NTRK1: variants seen among roughly 807,000 people sequenced by gnomAD.
NTRK1 encodes high affinity nerve growth factor receptor.
In NTRK1, 62 loss-of-function variants were observed where a neutral mutation model predicts 86.8. That is an observed-to-expected ratio of 0.71 (90% CI 0.58 to 0.88). NTRK1 has a LOEUF of 0.88. Among genes scored for constraint, NTRK1 ranks in the 40% least tolerant of loss-of-function variants. NTRK1 has a pLI of 0.00. For synonymous variants in NTRK1, 469 were observed against 456.6 expected (o/e 1.03, Z -0.35); for missense variants, 967 against 1,078.4 (o/e 0.90, Z 1.45).
intron 1 of NTRK1, among the ~76,000 whole-genome samples, chr1:156,819,550 C>T (rs960236494): frequency 2.7e-5 from 4 of 149,328 alleles, no homozygotes; most frequent in African/African-American, 5.0e-5. Flanking sequence ...GATGGAGTTT[C>T]GCTCTTGTTG....
chr1:156,846,262 G>T, intron 2 of NTRK1: 1 of 942,338 alleles, frequency 1.1e-6, no homozygotes, highest in Non-Finnish European at 1.5e-6. Flanking sequence ...CTAGAACTCA[G>T]TGTTTTGTTT....
chr1:156,872,952 C>T (rs889072091), intron 7 of NTRK1, among the ~76,000 whole-genome samples: 3 of 151,824 alleles, frequency 2.0e-5, no homozygotes, highest in African/African-American at 7.3e-5. Context: ...ATTGGAATTA[C>T]AGGCGTGAGC....
chr1:156,876,319 C>G, intron 13 of NTRK1, 81 bp from the exon 14 acceptor site: 1 of 1,608,682 alleles, frequency 6.2e-7, no homozygotes, highest in Non-Finnish European at 8.5e-7. Flanking sequence ...GGCTGGATAC[C>G]GGGGTGGGCG....
intron 2 of NTRK1, chr1:156,844,137 G>A (rs893347254): frequency 6.8e-7 from 1 of 1,462,268 alleles, no homozygotes; most frequent in Middle Eastern, 1.7e-4. Context: ...AGGGCTCAGG[G>A]AGAAAAGGGG....
At chr1:156,841,192 T>A (rs570999218) in intron 1 of NTRK1, 2 of 1,084,252 alleles carry the variant, frequency 1.8e-6, no homozygotes, top group Non-Finnish European at 2.7e-6. Flanking sequence ...TTGGTGGGAG[T>A]GGGGATCGTG....
chr1:156,848,925 C>G, intron 2 of NTRK1: 1 of 1,573,626 alleles, frequency 6.4e-7, no homozygotes, highest in Non-Finnish European at 8.6e-7. Flanking sequence ...ACTCACGACT[C>G]CTTGTAGTAC....
At chr1:156,841,760 G>A (rs1390337736) in intron 1 of NTRK1, 1 of 1,614,168 alleles carries the variant, frequency 6.2e-7, no homozygotes, top group Non-Finnish European at 8.5e-7. Flanking sequence ...TGCGGTAATA[G>A]TCTGTCTCAT....
In NTRK1 at chr1:156,837,191, C is replaced by T. The variant is rs1044344531; in HGVS notation, c.-63-4890C>T. ...CCGTGCATCTGGAGCTCGCCAAGCACCTTGTGCTCCAACTGTGTACCAGGG... is the reference window on the plus strand; with the variant it reads ...CCGTGCATCTGGAGCTCGCCAAGCATCTTGTGCTCCAACTGTGTACCAGGG... On this transcript the variant is annotated intron_variant, in intron 1 of 16. Coordinates refer to the NTRK1 transcript ENST00000392302. The T allele has an allele frequency of 2.0e-5, 3 of 152,262 alleles. No individual in the cohort carries two copies. The South Asian group carries it at 6.2e-4, about 32-fold the overall frequency. The allele number at this position is 152,262 out of a possible 1,614,324, so 9.4% of individuals were successfully genotyped here.
At chr1:156,878,193 C>G (rs142827353) in intron 14 of NTRK1, among the ~76,000 whole-genome samples, 1 of 152,308 alleles carries the variant, frequency 6.6e-6, no homozygotes, top group East Asian at 1.9e-4. Flanking sequence ...CTTTGTACTT[C>G]CAGTTCCCTC....
chr1:156,842,393 C>G, intron 2 of NTRK1: 2 of 1,613,644 alleles, frequency 1.2e-6, no homozygotes, highest in Non-Finnish European at 1.7e-6. Flanking sequence ...CTTCCTGGTC[C>G]CTACCTCTGC....
At position 156,831,185 on chromosome 1, in the gene NTRK1, TAAG is replaced by T. The variant is rs1654460524; in HGVS notation, c.-63-10892_-63-10890del. On this transcript the variant is annotated intron_variant, in intron 1 of 16. Coordinates refer to the NTRK1 transcript ENST00000392302. ...CCTTGAGAGCTAAGTAGAATCCCGT[TAAG>T]AAGTCATGGGTGGAGAGAGTGTCCT... 5.9e-5 allele frequency among the ~76,000 whole-genome samples: 9 copies of T among 152,246 alleles called. No homozygotes were observed. In the South Asian group the frequency reaches 1.4e-3, roughly 25 times the overall value.
Position 156,879,292 on chromosome 1 carries a change from G to A in NTRK1, c.1976G>A (p.Gly659Asp). Residue 659 changes from glycine to aspartate, a missense_variant, in exon 15 of 17, where the codon GGC becomes GAC. Transcript: ENST00000524377. Reference protein sequence around the residue: ...RDLATRNCLVGQGLVVKIGDF... With the variant: ...RDLATRNCLVDQGLVVKIGDF... ...CTGGCCACACGCAACTGTCTAGTGG[G>A]CCAGGGACTGGTGGTCAAGATTGGT... The A allele has an allele frequency of 6.2e-7, 1 of 1,613,532 alleles. No homozygotes were observed.
chr1:156,872,679 CTT>C (rs1300739349), intron 7 of NTRK1, among the ~76,000 whole-genome samples: 10 of 140,868 alleles, frequency 7.1e-5, no homozygotes, highest in Non-Finnish European at 9.3e-5. Flanking sequence ...GGGTCTATTT[CTT>C]TTTTTTTTTT....
At chr1:156,852,155 C>A in intron 2 of NTRK1, 1 of 1,609,298 alleles carries the variant, frequency 6.2e-7, no homozygotes, top group Non-Finnish European at 8.5e-7. Flanking sequence ...GCACTCGCCC[C>A]TCGCTGTGCA....
chr1:156,879,240 G>A lies in NTRK1; in HGVS notation c.1924G>A (p.Ala642Thr), dbSNP rs2102924673. The A allele has an allele frequency of 6.2e-7, 1 of 1,614,094 alleles. No individual in the cohort carries two copies. Among genetic ancestry groups the A allele is most frequent in the East Asian group, 2.2e-5 (1 of 44,880 alleles). ...SQVAAGMVYL[A>T]GLHFVHRDLA... The stretch of plus-strand genomic sequence containing the variant: ...GGTCGCTGCGGGGATGGTGTACCTG[G>A]CGGGTCTGCATTTTGTGCACCGGGA... The change falls in exon 15 of 17, where the codon GCG (alanine) becomes ACG (threonine). Residue 642 changes from alanine to threonine, a missense_variant. Transcript: ENST00000524377.
At chr1:156,834,319 T>A (rs1377403089) in intron 1 of NTRK1, among the ~76,000 whole-genome samples, 1 of 151,572 alleles carries the variant, frequency 6.6e-6, no homozygotes, top group Admixed American at 6.6e-5. Flanking sequence ...TAGGGAAGAG[T>A]CTAGACTGAT....
intron 1 of NTRK1, among the ~76,000 whole-genome samples, chr1:156,822,609 GAAAAAAA>G (rs35686944): frequency 6.1e-5 from 5 of 81,306 alleles, no homozygotes; most frequent in Admixed American, 5.1e-4. Flanking sequence ...TAAAAGATTA[GAAAAAAA>G]AAAAAAAAAA....
intron 1 of NTRK1, among the ~76,000 whole-genome samples, chr1:156,822,283 A>T (rs1207818153): frequency 6.6e-6 from 1 of 152,140 alleles, no homozygotes; most frequent in Non-Finnish European, 1.5e-5. Context: ...GGAGCTACAG[A>T]TCCTGCCAGT....
At chr1:156,879,040 C>A (rs144200331) in intron 14 of NTRK1, 82 bp from the exon 15 acceptor site, 1 of 1,534,728 alleles carries the variant, frequency 6.5e-7, no homozygotes, top group South Asian at 1.2e-5. Context: ...TCCCATCACA[C>A]GCGGCTGCTG....
Sources: gnomAD v4.1 joint callset for allele counts (sites outside exome capture counted in the v4.1 genomes callset) on GRCh38, gnomAD v4.1.1 for gene constraint, MANE v1.5 for transcripts, NCBI Gene and HGNC (gene_info 2026-07-23, HGNC 2026-07-21) for gene names.